The following PRTG variants were observed in gnomAD, a reference collection of about 807,000 sequenced individuals.
PRTG encodes immunoglobulin superfamily, DCC subclass, member 5.
A neutral mutation model predicts 122.5 loss-of-function variants in PRTG; 67 were observed. The ratio of observed to expected loss-of-function variants is 0.55; its 90% CI spans 0.45 to 0.67. PRTG has a LOEUF of 0.67. PRTG is among the 30% of genes least tolerant of loss of function. The pLI is 0.00. For synonymous variants in PRTG, 554 were observed against 501.1 expected (o/e 1.11, Z -1.41); for missense variants, 1,435 against 1,415.4 (o/e 1.01, Z -0.22).
chr15:55,727,422 C>T (rs2031072895), intron 2 of PRTG, among the ~76,000 whole-genome samples: 1 of 151,878 alleles, frequency 6.6e-6, no homozygotes, highest in Non-Finnish European at 1.5e-5. Context: ...CCAAGGAAAA[C>T]ACAAATTACC....
chr15:55,670,344 T>C (rs1341397619), intron 11 of PRTG, among the ~76,000 whole-genome samples: 1 of 152,204 alleles, frequency 6.6e-6, no homozygotes, highest in Non-Finnish European at 1.5e-5. Flanking sequence ...TATATATTCA[T>C]ATTTTAACAG....
At chr15:55,646,618 G>A (rs1006622320) in intron 11 of PRTG, among the ~76,000 whole-genome samples, 18 of 152,232 alleles carry the variant, frequency 1.2e-4, no homozygotes, top group African/African-American at 2.2e-4. Context: ...CACTGCACCC[G>A]GCTGTCACTC....
chr15:55,731,366 CTTTTTTTTTTTT>C (rs10658460), intron 2 of PRTG, among the ~76,000 whole-genome samples: 1 of 103,778 alleles, frequency 9.6e-6, no homozygotes, highest in Non-Finnish European at 1.9e-5. Flanking sequence ...CCTTATCATT[CTTTTTTTTTTTT>C]TTTTTTTTTG....
chr15:55,723,940 G>A (rs189003369), intron 2 of PRTG, among the ~76,000 whole-genome samples: 3 of 151,686 alleles, frequency 2.0e-5, no homozygotes, highest in Admixed American at 6.6e-5. Context: ...TTTAGTAGAG[G>A]TGGGGTTTCA....
intron 2 of PRTG, among the ~76,000 whole-genome samples, chr15:55,701,589 A>G (rs1361489096): frequency 6.6e-6 from 1 of 152,174 alleles, no homozygotes; most frequent in Non-Finnish European, 1.5e-5. Context: ...ATATTTACTC[A>G]ATAGAAATAA....
rs533396595 is a variant in PRTG at position 55,646,685 on chromosome 15, G to A, written c.2042-5477C>T. ...CAAATGGGTAATATTTGAATTTAGG[G>A]TTAAACTTGCTTAAAGATTTAGCAA... On this transcript the variant is annotated intron_variant, in intron 11 of 19. Transcript: ENST00000389286. 4.6e-5 allele frequency among the ~76,000 whole-genome samples: 7 copies of A among 152,238 alleles called. No individual in the cohort carries two copies. The East Asian group carries it at 7.7e-4, about 17-fold the overall frequency.
At chr15:55,687,107 T>C (rs369374953) in intron 2 of PRTG, among the ~76,000 whole-genome samples, 2 of 152,244 alleles carry the variant, frequency 1.3e-5, no homozygotes, top group Non-Finnish European at 2.9e-5. Flanking sequence ...AAAAAAAATA[T>C]ACTTTCTGAA....
chr15:55,657,417 AT>A (rs1325007825), intron 11 of PRTG, among the ~76,000 whole-genome samples: 2 of 152,110 alleles, frequency 1.3e-5, no homozygotes, highest in Non-Finnish European at 2.9e-5. Flanking sequence ...TTAAGAAAAA[AT>A]TTTTTGTTTC....
In PRTG at chr15:55,624,457, C is replaced by T. The variant is rs781488469; in HGVS notation, c.2978G>A (p.Arg993His). 8.7e-6 allele frequency: 14 copies of T among 1,613,788 alleles called. No individual in the cohort carries two copies. The highest frequency in any genetic ancestry group is 3.3e-5 in the Admixed American group (2 of 59,974). Reference protein sequence around the residue: ...TAQNGTQQLPRTSASLASGNE... With the variant: ...TAQNGTQQLPHTSASLASGNE... Reference sequence around the variant, plus strand: ...TCCACTAGCTAAGGAGGCACTGGTACGAGGTAACTGTTGAGTTCCATTCTG... The same window carrying T: ...TCCACTAGCTAAGGAGGCACTGGTATGAGGTAACTGTTGAGTTCCATTCTG... Residue 993 changes from arginine to histidine, a missense_variant, in exon 18 of 20, where the codon CGT becomes CAT. By Grantham distance (29) the Arg-to-His change is conservative. Transcript: ENST00000389286.
rs758797848 is a variant in PRTG, at chr15:55,683,848, G to A, written c.481C>T (p.His161Tyr). 5.6e-6 allele frequency: 9 copies of A among 1,613,712 alleles called. No homozygotes were observed. The highest frequency in any genetic ancestry group is 1.1e-5 in the South Asian group (1 of 91,074). The change falls in exon 3 of 20, where the codon CAC becomes TAC. Residue 161 changes from histidine (H) to tyrosine (Y), a missense_variant. Transcript: ENST00000389286. ...TCCCATGTTATGACTGCAGGAGGGT[G>A]GGATGAAATCTTGCATGCAAATCGA... is the stretch of plus-strand genomic sequence containing the variant. ...VARFACKISS[H>Y]PPAVITWEFN... is the part of the protein sequence containing the mutation.
At chr15:55,622,280 C>G (rs1425992958) in intron 18 of PRTG, among the ~76,000 whole-genome samples, 4 of 146,126 alleles carry the variant, frequency 2.7e-5, no homozygotes, top group African/African-American at 1.0e-4. Context: ...GAATATGGCG[C>G]GATCTCGGCT....
At chr15:55,725,104 C>T (rs971083768) in intron 2 of PRTG, among the ~76,000 whole-genome samples, 5 of 152,138 alleles carry the variant, frequency 3.3e-5, no homozygotes, top group Non-Finnish European at 5.9e-5. Flanking sequence ...AAAGCCTATA[C>T]ATCTATATCA....
In PRTG at chr15:55,614,009, A is replaced by G. The variant is rs1249169972; in HGVS notation, c.*6003T>C. 1 of 152,094 alleles carries G rather than the reference A, an allele frequency of 6.6e-6. No individual in the cohort carries two copies. Among genetic ancestry groups the G allele is most frequent in the East Asian group, 1.9e-4 (1 of 5,192 alleles). 9.4% of individuals were successfully genotyped at this position (152,094 alleles called of 1,614,324 possible). A position where few individuals can be genotyped will look rare whatever the true frequency, so the allele number is the denominator to read the frequency against. ...GTAGATGCTCAACAAATGGCATCAT[A>G]TTACTTCCTAGAGTCGGGAGAAGTT... is the stretch of plus-strand genomic sequence containing the variant. On this transcript the variant is annotated 3_prime_UTR_variant, in exon 20 of 20. Transcript: ENST00000389286.
At chr15:55,628,742 T>C in intron 16 of PRTG, 80 bp downstream of exon 16, 1 of 1,105,510 alleles carries the variant, frequency 9.0e-7, no homozygotes, top group Middle Eastern at 2.4e-4. Flanking sequence ...GATACAGCAA[T>C]TGTAGGAGCA....
chr15:55,738,220 T>C, intron 2 of PRTG: 1 of 328,908 alleles, frequency 3.0e-6, no homozygotes, highest in Non-Finnish European at 5.4e-6. Context: ...GCAAAATCAT[T>C]CACATGTAAT....
rs1412318125 is a variant in PRTG at position 55,675,795 on chromosome 15, C to G, written c.1382-112G>C. 3 of 531,756 alleles carry G rather than the reference C, an allele frequency of 5.6e-6. No individual in the cohort carries two copies. The East Asian group carries it at 8.4e-5, about 15-fold the overall frequency. 32.9% of individuals were successfully genotyped at this position (531,756 alleles called of 1,614,324 possible). ...CTTGGGTCTAATCTCAATCTCTTAT[C>G]TTCTGTGCCCCTTTACAAAATGTGA... On this transcript the variant is annotated intron_variant, in intron 8 of 19. Coordinates refer to ENST00000389286, the MANE Select transcript of PRTG (RefSeq NM_173814.6).
chr15:55,667,017 T>C (rs1194730519), intron 11 of PRTG, among the ~76,000 whole-genome samples: 6 of 152,184 alleles, frequency 3.9e-5, no homozygotes, highest in Admixed American at 2.0e-4. Context: ...TAATAGAACA[T>C]TGTAAATGAT....
rs1371290443 is a variant in PRTG, at chr15:55,613,881, G to C, written c.*6131C>G. The stretch of plus-strand genomic sequence containing the variant: ...AACCACTCACTAGCTGTGACTTTTG[G>C]CAAGAGATCAGGAAGCTGTTCCTAA... On this transcript the variant is annotated 3_prime_UTR_variant, in exon 20 of 20. Transcript: ENST00000389286. The C allele has an allele frequency of 6.7e-6, 1 of 150,188 alleles. No individual in the cohort carries two copies. The highest frequency in any genetic ancestry group is 1.5e-5 in the Non-Finnish European group (1 of 67,724). 9.3% of individuals were successfully genotyped at this position (150,188 alleles called of 1,614,324 possible).
At chr15:55,633,332 C>T (rs1035260253) in intron 15 of PRTG, among the ~76,000 whole-genome samples, 3 of 152,038 alleles carry the variant, frequency 2.0e-5, no homozygotes, top group Non-Finnish European at 2.9e-5. Context: ...GCCTCAGCCT[C>T]CCGAGTAGCT....
Sources: gnomAD v4.1 joint callset for allele counts (sites outside exome capture counted in the v4.1 genomes callset) on GRCh38, gnomAD v4.1.1 for gene constraint, MANE v1.5 for transcripts, NCBI Gene and HGNC (gene_info 2026-07-23, HGNC 2026-07-21) for gene names.